CTSV: variants seen among roughly 807,000 people sequenced by gnomAD.
CTSV encodes cathepsin L2.
In CTSV, 33 loss-of-function variants were observed where a neutral mutation model predicts 35.6. The observed-to-expected ratio is 0.93, with a 90% CI of 0.70 to 1.24. The LOEUF is 1.24. Ranked by LOEUF, CTSV falls within the 50% of genes most tolerant of loss-of-function variation. The pLI, the probability that CTSV is intolerant of heterozygous loss-of-function variation, is 0.00. For synonymous variants in CTSV, 154 were observed against 147.1 expected, an observed-to-expected ratio of 1.05 and a Z score of -0.34; for missense variants, 408 against 413.1, an observed-to-expected ratio of 0.99 and a Z score of 0.11.
At position 97,037,981 on chromosome 9, in the gene CTSV, A is replaced by G. The variant is rs1198198161; in HGVS notation, c.63T>C (p.Phe21=). 1 of 1,614,082 alleles carries G rather than the reference A, an allele frequency of 6.2e-7. No individual in the cohort carries two copies. The highest frequency in any genetic ancestry group is 2.2e-5 in the East Asian group (1 of 44,868). ...CLGIASAVPK[F]DQNLDTKWYQ... is the part of the protein sequence containing the mutation. ...ACCACTTTGTATCCAAATTTTGGTC[A>G]AATTTTGGAACAGCGGAGGCTATTC... The change falls in exon 2 of 8, where the codon TTT becomes TTC. Residue 21 remains phenylalanine, a synonymous_variant. Transcript: ENST00000259470.
Position 97,031,763 on chromosome 9 carries a change from T to C in CTSV, c.*1186A>G, listed in dbSNP as rs970772725. The C allele has an allele frequency of 6.6e-6, 1 of 152,244 alleles. No homozygotes were observed. Among genetic ancestry groups the C allele is most frequent in the Admixed American group, 6.5e-5 (1 of 15,284 alleles). The allele number at this position is 152,244 out of a possible 1,614,324, so 9.4% of individuals were successfully genotyped here. A position where few individuals can be genotyped will look rare whatever the true frequency, so the allele number is the denominator to read the frequency against. On this transcript the variant is annotated 3_prime_UTR_variant, in exon 8 of 8. Coordinates refer to ENST00000259470, the MANE Select transcript of CTSV (RefSeq NM_001333.4). ...ATCTTCGGCCAGAGGCCTCTTTTTG[T>C]AGCCCAGCCTCATCTCTTGTGGACC...
At chr9:97,034,144 G>T (rs1345997688) in intron 7 of CTSV, among the ~76,000 whole-genome samples, 2 of 152,154 alleles carry the variant, frequency 1.3e-5, no homozygotes, top group Non-Finnish European at 2.9e-5. Context: ...ATTCTTGTGG[G>T]TCCTTAACTA....
In CTSV at chr9:97,031,086, T is replaced by C. The variant is rs1283160972; in HGVS notation, c.*1863A>G. 1.3e-5 allele frequency: 2 copies of C among 152,310 alleles called. No individual in the cohort carries two copies. The highest frequency in any genetic ancestry group is 2.1e-4 in the South Asian group (1 of 4,826). The allele number at this position is 152,310 out of a possible 1,614,324, so 9.4% of individuals were successfully genotyped here. A position where few individuals can be genotyped will look rare whatever the true frequency, so the allele number is the denominator to read the frequency against. On this transcript the variant is annotated 3_prime_UTR_variant, in exon 8 of 8. Coordinates refer to ENST00000259470, the MANE Select transcript of CTSV (RefSeq NM_001333.4). Reference sequence around the variant, plus strand: ...TTCCGAGGGGTGCTGTTTTGACAGATTTGAAATTTTTTTATTTGAATAAAA... The same window carrying C: ...TTCCGAGGGGTGCTGTTTTGACAGACTTGAAATTTTTTTATTTGAATAAAA...
Position 97,035,630 on chromosome 9 carries a change from C to G in CTSV, c.685G>C (p.Ala229Pro), listed in dbSNP as rs372363372. 2.5e-6 allele frequency: 4 copies of G among 1,602,788 alleles called. No individual in the cohort carries two copies. The Admixed American group carries it at 6.8e-5, about 27-fold the overall frequency. Residue 229 changes from alanine to proline, a missense_variant, in exon 6 of 8, where the codon GCA (alanine) becomes CCA (proline). Physicochemically the swap from Ala to Pro is conservative, Grantham distance 27 (BLOSUM62 -1). Transcript: ENST00000259470. The stretch of plus-strand genomic sequence containing the variant: ...ATCAGGGCCTTCTCCTTTCCAGGTG[C>G]GACCACTGTGAAGCCAGTGTCATTA... ...VANDTGFTVVAPGKEKALMKA... is the reference protein window; with the variant it reads ...VANDTGFTVVPPGKEKALMKA...
At chr9:97,037,657 C>T in intron 2 of CTSV, 42 bp from the exon 3 acceptor site, 3 of 1,605,174 alleles carry the variant, frequency 1.9e-6, no homozygotes, top group Non-Finnish European at 2.6e-6. Context: ...TGTCTACTTA[C>T]CCAACCCATG....
Position 97,035,708 on chromosome 9 carries a change from G to A in CTSV, c.622-15C>T, listed in dbSNP as rs200695232. On this transcript the variant is annotated splice_polypyrimidine_tract_variant and intron_variant, in intron 5 of 7. Coordinates refer to ENST00000259470, the MANE Select transcript of CTSV (RefSeq NM_001333.4). ...CAGATTTCATCCTTTTAAAGTTAAA[G>A]GGGGAGAGACTTGATCACTACCATC... is the stretch of plus-strand genomic sequence containing the variant. The A allele has an allele frequency of 6.2e-6, 9 of 1,455,930 alleles. No homozygotes were observed. The highest frequency in any genetic ancestry group is 2.6e-5 in the East Asian group (1 of 38,850). 90.2% of individuals were successfully genotyped at this position (1,455,930 alleles called of 1,614,324 possible). A position where few individuals can be genotyped will look rare whatever the true frequency, so the allele number is the denominator to read the frequency against.
intron 5 of CTSV, among the ~76,000 whole-genome samples, chr9:97,035,957 C>T (rs1194614472): frequency 6.6e-6 from 1 of 152,150 alleles, no homozygotes; most frequent in African/African-American, 2.4e-5. Context: ...GAATGGTTTG[C>T]TTATTCTCCA....
rs918241609 is a variant in CTSV at position 97,030,783 on chromosome 9, A to T, written c.*2166T>A. ...GCCGTTTTCCCGCCCTGGGTGGTCC[A>T]GGTGTTCCTTGCTCTCATTCCGGTA... is the stretch of plus-strand genomic sequence containing the variant. On this transcript the variant is annotated 3_prime_UTR_variant, in exon 8 of 8. Transcript: ENST00000259470. The T allele has an allele frequency of 3.3e-5, 5 of 152,216 alleles. No homozygotes were observed. The highest frequency in any genetic ancestry group is 1.2e-4 in the African/African-American group (5 of 41,460). 9.4% of individuals were successfully genotyped at this position (152,216 alleles called of 1,614,324 possible).
Position 97,030,831 on chromosome 9 carries a change from C to G in CTSV, c.*2118G>C, listed in dbSNP as rs2119223365. The G allele has an allele frequency of 6.6e-6, 1 of 152,232 alleles. No homozygotes were observed. Among genetic ancestry groups the G allele is most frequent in the African/African-American group, 2.4e-5 (1 of 41,524 alleles). The allele number at this position is 152,232 out of a possible 1,614,324, so 9.4% of individuals were successfully genotyped here. On this transcript the variant is annotated 3_prime_UTR_variant, in exon 8 of 8. Transcript: ENST00000259470. ...GTAAACCTTCAGCATGGCGTCATGGCCATCATGAACCTGTCACAGTACTGC... is the reference window on the plus strand; with the variant it reads ...GTAAACCTTCAGCATGGCGTCATGGGCATCATGAACCTGTCACAGTACTGC...
chr9:97,032,956 T>C lies in CTSV; in HGVS notation c.998A>G (p.Asn333Ser), dbSNP rs146846413. The change falls in exon 8 of 8, where the codon AAT becomes AGT. Residue 333 changes from asparagine (N) to serine (S), a missense_variant. By Grantham distance (46) the Asn-to-Ser change is conservative (BLOSUM62 1). Transcript: ENST00000259470. Reference sequence around the variant, plus strand: ...TCCTCACCATCCATCAGCTCACACATTGGGGTAGCTGGCTGCTGTGGCGAT... The same window carrying C: ...TCCTCACCATCCATCAGCTCACACACTGGGGTAGCTGGCTGCTGTGGCGAT... ...CGIATAASYP[N>S]V is the part of the protein sequence containing the mutation. The C allele has an allele frequency of 2.1e-4, 332 of 1,610,716 alleles. 4 individuals are homozygous for C. The highest frequency in any genetic ancestry group is 1.7e-4 in the Middle Eastern group (1 of 6,048).
At chr9:97,033,083 G>C in intron 7 of CTSV, 35 bp from the exon 8 acceptor site, 1 of 1,444,876 alleles carries the variant, frequency 6.9e-7, no homozygotes, top group Non-Finnish European at 9.6e-7. Flanking sequence ...TTTATACAAG[G>C]AATCAAGGGA....
intron 7 of CTSV, among the ~76,000 whole-genome samples, chr9:97,034,349 A>C (rs1439468381): frequency 1.3e-5 from 2 of 152,076 alleles, no homozygotes; most frequent in African/African-American, 4.8e-5. Flanking sequence ...AGACCACTGG[A>C]CTCCCGGATG....
rs943835552 is a variant in CTSV at position 97,032,355 on chromosome 9, A to G, written c.*594T>C. 1.1e-4 allele frequency: 17 copies of G among 152,210 alleles called. No homozygotes were observed. The highest frequency in any genetic ancestry group is 3.6e-4 in the African/African-American group (15 of 41,444). The allele number at this position is 152,210 out of a possible 1,614,324, so 9.4% of individuals were successfully genotyped here. A position where few individuals can be genotyped will look rare whatever the true frequency, so the allele number is the denominator to read the frequency against. ...AGAGGTTGCAGTGAGCTGAGATCAC[A>G]CTACTGCACTCCAGCCTTGGTGACA... On this transcript the variant is annotated 3_prime_UTR_variant, in exon 8 of 8. Transcript: ENST00000259470.
Position 97,036,613 on chromosome 9 carries a change from G to A in CTSV, c.531C>T (p.Gly177=). 3 of 1,614,036 alleles carry A rather than the reference G, an allele frequency of 1.9e-6. No homozygotes were observed. The highest frequency in any genetic ancestry group is 2.5e-6 in the Non-Finnish European group (3 of 1,180,022). The part of the protein sequence containing the change: ...VDCSRPQGNQ[G]CNGGFMARAF... ...CCCTAGCCATGAAGCCACCATTGCA[G>A]CCCTGATTGCCTTGAGGACGCGAAC... Residue 177 remains glycine, a synonymous_variant, in exon 5 of 8, where the codon GGC becomes GGT. Coordinates refer to ENST00000259470, the MANE Select transcript of CTSV (RefSeq NM_001333.4).
In CTSV at chr9:97,035,370, A is replaced by G. The variant is rs978943391; in HGVS notation, c.787+158T>C. Among the ~76,000 whole-genome samples, 10 of 152,260 alleles carry G rather than the reference A, an allele frequency of 6.6e-5. No homozygotes were observed. The South Asian group carries it at 1.4e-3, about 22-fold the overall frequency. On this transcript the variant is annotated intron_variant, in intron 6 of 7. Transcript: ENST00000259470. ...TAAAAATATTTATGAGAAGTTTAAC[A>G]TAACTAAGTATTTTCTCATGTCAAA...
intron 3 of CTSV, 25 bp downstream of exon 3, chr9:97,037,468 G>A (rs1362528962): frequency 6.2e-7 from 1 of 1,613,962 alleles, no homozygotes; most frequent in Non-Finnish European, 8.5e-7. Flanking sequence ...GCAGCACAGA[G>A]TTCAGCAATC....
In CTSV at chr9:97,031,542, T is replaced by A. The variant is rs182753586; in HGVS notation, c.*1407A>T. On this transcript the variant is annotated 3_prime_UTR_variant, in exon 8 of 8. Coordinates refer to ENST00000259470, the MANE Select transcript of CTSV (RefSeq NM_001333.4). ...ACTAAACGAGTTAAATAACCACCCA[T>A]AATTCACCCACAAGTTTGGTGTACT... 6.6e-4 allele frequency: 101 copies of A among 152,368 alleles called. No homozygotes were observed. The highest frequency in any genetic ancestry group is 2.2e-3 in the African/African-American group (93 of 41,598). The allele number at this position is 152,368 out of a possible 1,614,324, so 9.4% of individuals were successfully genotyped here.
chr9:97,037,847 T>C, intron 2 of CTSV, 71 bp downstream of exon 2: 2 of 1,584,352 alleles, frequency 1.3e-6, no homozygotes, highest in Non-Finnish European at 1.7e-6. Context: ...AGCTACTCTC[T>C]GGCTATCAAC....
rs1206535014 is a variant in CTSV at position 97,037,917 on chromosome 9, C to G, written c.126+1G>C. ...TCTGGACAGTTTCAGATGTTACCAA[C>G]CGCGCCATATAATCTTCTGTGTGTT... On this transcript the variant is annotated splice_donor_variant, in intron 2 of 7. Transcript: ENST00000259470. LOFTEE classifies it high-confidence loss of function. The G allele has an allele frequency of 1.2e-6, 2 of 1,613,826 alleles. No homozygotes were observed. Among genetic ancestry groups the G allele is most frequent in the Non-Finnish European group, 1.7e-6 (2 of 1,179,888 alleles).
Sources: allele counts gnomAD v4.1 joint callset (sites outside exome capture counted in the v4.1 genomes callset), GRCh38; gene constraint gnomAD v4.1.1; transcripts MANE v1.5; gene names NCBI Gene and HGNC (gene_info 2026-07-23, HGNC 2026-07-21).